The following MTMR14 variants were observed in gnomAD, a reference collection of about 807,000 sequenced individuals.
MTMR14 encodes the protein myotubularin related protein 14, also known as phosphatidylinositol-3,5-bisphosphate 3-phosphatase MTMR14.
MTMR14 carries 48 observed loss-of-function variants against 86.3 expected under a neutral mutation model. The observed-to-expected ratio is 0.56, with a 90% CI of 0.44 to 0.71. MTMR14 has a LOEUF of 0.71. MTMR14 is among the 30% of genes least tolerant of loss of function. MTMR14 has a pLI of 0.00. For synonymous variants in MTMR14, 366 were observed against 326.1 expected, an observed-to-expected ratio of 1.12 and a Z score of -1.32; for missense variants, 780 against 834.6, an observed-to-expected ratio of 0.93 and a Z score of 0.81.
chr3:9,656,485 C>T (rs2047615248), intron 2 of MTMR14, among the ~76,000 whole-genome samples: 1 of 151,860 alleles, frequency 6.6e-6, no homozygotes, highest in South Asian at 2.1e-4. Flanking sequence ...GCAGTGGTGC[C>T]ATCTTGGCTC....
At chr3:9,660,283 G>A (rs368771186) in intron 2 of MTMR14, among the ~76,000 whole-genome samples, 4 of 151,824 alleles carry the variant, frequency 2.6e-5, no homozygotes, top group Non-Finnish European at 5.9e-5. Context: ...TCCCCCAGAC[G>A]GAGTCTCGCC....
Position 9,701,585 on chromosome 3 carries a change from C to G in MTMR14, c.1770-205C>G. 1.5e-6 allele frequency: 1 copy of G among 649,310 alleles called. No homozygotes were observed. The highest frequency in any genetic ancestry group is 2.7e-6 in the Non-Finnish European group (1 of 367,134). The allele number at this position is 649,310 out of a possible 1,614,324, so 40.2% of individuals were successfully genotyped here. A position where few individuals can be genotyped will look rare whatever the true frequency, so the allele number is the denominator to read the frequency against. ...TCCTGCTCTAGGTGGGAACAGTAGC[C>G]TGAGGGCTTAGAGGAATGGTTTAAG... On this transcript the variant is annotated intron_variant, in intron 18 of 18. Transcript: ENST00000296003. This position sits in a 1 kb window ranked among gnomAD's most constrained non-coding sequence, Gnocchi z 4.2.
intron 3 of MTMR14, among the ~76,000 whole-genome samples, chr3:9,666,648 C>T (rs2048268626): frequency 6.6e-6 from 1 of 152,200 alleles, no homozygotes; most frequent in Admixed American, 6.5e-5. Flanking sequence ...ACCATTTTCT[C>T]CCCAAACACT....
chr3:9,698,601 C>G (rs1200933514), intron 18 of MTMR14, among the ~76,000 whole-genome samples: 1 of 152,234 alleles, frequency 6.6e-6, no homozygotes, highest in Non-Finnish European at 1.5e-5. Flanking sequence ...TGGGGCCTTA[C>G]CACCAGCACC....
chr3:9,687,604 G>GTT (rs2076002672), intron 13 of MTMR14, among the ~76,000 whole-genome samples: 1 of 151,600 alleles, frequency 6.6e-6, no homozygotes, highest in African/African-American at 2.4e-5. Flanking sequence ...TCCCAGGAAG[G>GTT]AAATCCCTTC....
chr3:9,664,549 A>G (rs1261860650), intron 3 of MTMR14, among the ~76,000 whole-genome samples: 1 of 152,162 alleles, frequency 6.6e-6, no homozygotes, highest in African/African-American at 2.4e-5. Flanking sequence ...CATGTATGCA[A>G]TGGAGTACCA....
intron 4 of MTMR14, 67 bp downstream of exon 4, chr3:9,668,861 C>T (rs1306060635): frequency 9.8e-6 from 15 of 1,534,448 alleles, no homozygotes; most frequent in Admixed American, 6.7e-5. Context: ...CTACCCGGGC[C>T]GGGCGCCATG....
chr3:9,662,418 G>A (rs1317172412), intron 3 of MTMR14, 43 bp downstream of exon 3: 3 of 1,542,112 alleles, frequency 1.9e-6, no homozygotes, highest in Admixed American at 3.4e-5. Flanking sequence ...ACTCTCTTCT[G>A]GGGTAGCTGA....
At chr3:9,670,685 G>A (rs780263209) in intron 5 of MTMR14, among the ~76,000 whole-genome samples, 23 of 152,246 alleles carry the variant, frequency 1.5e-4, no homozygotes, top group Non-Finnish European at 2.4e-4. Flanking sequence ...GGTGGAAGGG[G>A]ATCAATTCTA....
chr3:9,670,033 G>A (rs558330847), intron 5 of MTMR14, among the ~76,000 whole-genome samples: 15 of 152,144 alleles, frequency 9.9e-5, no homozygotes, highest in Non-Finnish European at 2.1e-4. Flanking sequence ...ATAAAAGGAG[G>A]AAATGGGCTG....
At chr3:9,673,690 T>G (rs113479826) in intron 7 of MTMR14, among the ~76,000 whole-genome samples, 8 of 152,072 alleles carry the variant, frequency 5.3e-5, no homozygotes, top group African/African-American at 1.9e-4. Context: ...ATGTGCAAGC[T>G]GGGGGCAGGA....
intron 1 of MTMR14, among the ~76,000 whole-genome samples, chr3:9,650,064 A>G (rs1388920806): frequency 6.6e-6 from 1 of 152,142 alleles, no homozygotes; most frequent in African/African-American, 2.4e-5. Context: ...TCCCTGCTTC[A>G]GGTGCCGTAG....
chr3:9,672,639 G>C lies in MTMR14; in HGVS notation c.678-46G>C, dbSNP rs776933879. The C allele has an allele frequency of 5.6e-6, 8 of 1,435,250 alleles. No homozygotes were observed. The South Asian group carries it at 8.0e-5, about 14-fold the overall frequency. The allele number at this position is 1,435,250 out of a possible 1,614,324, so 88.9% of individuals were successfully genotyped here. On this transcript the variant is annotated intron_variant, in intron 6 of 18. Coordinates refer to ENST00000296003, the MANE Select transcript of MTMR14 (RefSeq NM_001077525.3). Reference sequence around the variant, plus strand: ...CTTATTTGGGGAATGGTGTGTGTTTGTGTGTGTGTTGCGACACTGTAACAC... The same window carrying C: ...CTTATTTGGGGAATGGTGTGTGTTTCTGTGTGTGTTGCGACACTGTAACAC...
chr3:9,668,999 G>C (rs1256126367), intron 4 of MTMR14, among the ~76,000 whole-genome samples: 1 of 152,082 alleles, frequency 6.6e-6, no homozygotes, highest in Non-Finnish European at 1.5e-5. Flanking sequence ...AATTTGCCGG[G>C]TGTGGTGATG....
At chr3:9,685,869 G>A (rs750252347) in intron 13 of MTMR14, among the ~76,000 whole-genome samples, 19 of 152,078 alleles carry the variant, frequency 1.2e-4, no homozygotes, top group Non-Finnish European at 2.1e-4. Flanking sequence ...GTCTGGAGTC[G>A]GCCCTGAGTG....
At chr3:9,659,230 G>GA (rs969320400) in intron 2 of MTMR14, among the ~76,000 whole-genome samples, 35 of 152,034 alleles carry the variant, frequency 2.3e-4, no homozygotes, top group African/African-American at 6.0e-4. Flanking sequence ...ACCTTGTTGG[G>GA]AAAAAAACAA....
At chr3:9,662,399 T>C (rs1559566606) in intron 3 of MTMR14, 24 bp downstream of exon 3, 1 of 1,586,120 alleles carries the variant, frequency 6.3e-7, no homozygotes, top group African/African-American at 1.3e-5. Flanking sequence ...CATAGCTTCA[T>C]GCTCCACGAC....
chr3:9,656,136 A>G (rs1246675434), intron 2 of MTMR14, among the ~76,000 whole-genome samples: 1 of 152,088 alleles, frequency 6.6e-6, no homozygotes, highest in Non-Finnish European at 1.5e-5. Context: ...CGGAGACTGC[A>G]CTGAGCCAAG....
intron 6 of MTMR14, among the ~76,000 whole-genome samples, chr3:9,672,203 C>T (rs2048601880): frequency 6.6e-6 from 1 of 152,118 alleles, no homozygotes; most frequent in Non-Finnish European, 1.5e-5. Flanking sequence ...GGGGGAGTAA[C>T]TTCCCTTGGT....
Sources: gnomAD v4.1 joint callset for allele counts (sites outside exome capture counted in the v4.1 genomes callset) on GRCh38, gnomAD v4.1.1 for gene constraint, Gnocchi (gnomAD v3.1) non-coding constraint, MANE v1.5 for transcripts, NCBI Gene and HGNC (gene_info 2026-07-23, HGNC 2026-07-21) for gene names.